The following IQGAP2 variants were observed in gnomAD, a reference collection of about 807,000 sequenced individuals.
IQGAP2 encodes IQ motif containing GTPase activating protein 2.
Under a neutral mutation model 201.3 loss-of-function variants are expected in IQGAP2, and 173 were observed. The ratio of observed to expected loss-of-function variants is 0.86; its 90% CI spans 0.76 to 0.98. IQGAP2 has a LOEUF of 0.98. Among genes scored for constraint, IQGAP2 ranks in the 50% least tolerant of loss-of-function variants. The probability of loss-of-function intolerance (pLI) is 0.00; values close to 1 mark genes in which losing one functional copy is unlikely to be tolerated. For synonymous variants in IQGAP2, 675 were observed against 673.9 expected (o/e 1.00, Z -0.03); for missense variants, 1,687 against 1,864.8 (o/e 0.90, Z 1.76).
chr5:76,503,541 C>T (rs1757413897), intron 2 of IQGAP2, among the ~76,000 whole-genome samples: 1 of 151,632 alleles, frequency 6.6e-6, no homozygotes, highest in Admixed American at 6.6e-5. Context: ...TCATACCTTC[C>T]TGTGTTTGTG....
intron 5 of IQGAP2, among the ~76,000 whole-genome samples, chr5:76,581,360 G>A (rs934191789): frequency 2.0e-5 from 3 of 152,180 alleles, no homozygotes; most frequent in Non-Finnish European, 4.4e-5. Context: ...GATTTCCAAA[G>A]ACAGTTTCTT....
intron 2 of IQGAP2, among the ~76,000 whole-genome samples, chr5:76,476,127 G>C (rs1198235589): frequency 1.3e-5 from 2 of 152,182 alleles, no homozygotes; most frequent in African/African-American, 4.8e-5. Flanking sequence ...AGTATTTCCA[G>C]GTAGTGATAA....
Position 76,673,363 on chromosome 5 carries a change from C to T in IQGAP2, c.3069-86C>T, listed in dbSNP as rs1744519819. 1.2e-5 allele frequency: 17 copies of T among 1,421,282 alleles called. No individual in the cohort carries two copies. The South Asian group carries it at 1.9e-4, about 16-fold the overall frequency. The allele number at this position is 1,421,282 out of a possible 1,614,324, so 88.0% of individuals were successfully genotyped here. A position where few individuals can be genotyped will look rare whatever the true frequency, so the allele number is the denominator to read the frequency against. ...CAGTGGCAAAGTCCAATTCACTATACAAAGCTTGACTATAGAACCAACTTG... is the reference window on the plus strand; with the variant it reads ...CAGTGGCAAAGTCCAATTCACTATATAAAGCTTGACTATAGAACCAACTTG... On this transcript the variant is annotated intron_variant, in intron 24 of 35. Coordinates refer to ENST00000274364, the MANE Select transcript of IQGAP2 (RefSeq NM_006633.5).
intron 12 of IQGAP2, among the ~76,000 whole-genome samples, chr5:76,608,466 A>C (rs961797626): frequency 2.6e-5 from 4 of 152,192 alleles, no homozygotes; most frequent in Admixed American, 6.5e-5. Flanking sequence ...TAAAATTTCT[A>C]AAATACACCA....
chr5:76,560,329 T>C (rs1257018031), intron 2 of IQGAP2, among the ~76,000 whole-genome samples: 1 of 151,388 alleles, frequency 6.6e-6, no homozygotes, highest in Non-Finnish European at 1.5e-5. Flanking sequence ...TTTTTTTTTT[T>C]TTTTTTTTAA....
intron 9 of IQGAP2, among the ~76,000 whole-genome samples, chr5:76,594,916 A>C (rs374961900): frequency 7.8e-4 from 119 of 152,042 alleles, no homozygotes; most frequent in Middle Eastern, 3.4e-3. Flanking sequence ...CAGTGAGCTG[A>C]GATTGCGCCA....
At chr5:76,623,400 A>G (rs945364998) in intron 13 of IQGAP2, 1 of 669,672 alleles carries the variant, frequency 1.5e-6, no homozygotes. Flanking sequence ...CTCCGCAGGG[A>G]AAGGATGTAA....
chr5:76,641,360 T>C (rs1235794149), intron 17 of IQGAP2, among the ~76,000 whole-genome samples: 1 of 152,186 alleles, frequency 6.6e-6, no homozygotes, highest in African/African-American at 2.4e-5. Flanking sequence ...GCTGCCAACC[T>C]AGTTGGACCC....
chr5:76,609,042 A>C, intron 12 of IQGAP2: 1 of 1,503,260 alleles, frequency 6.7e-7, no homozygotes, highest in East Asian at 2.5e-5. Context: ...ATATGTTCCC[A>C]GAGGGCTTCT....
At chr5:76,557,846 G>A (rs756645168) in intron 2 of IQGAP2, among the ~76,000 whole-genome samples, 10 of 151,640 alleles carry the variant, frequency 6.6e-5, no homozygotes, top group Non-Finnish European at 1.3e-4. Context: ...TCACTCTGTC[G>A]CCCAGGCTGG....
At chr5:76,408,638 G>A (rs377298824) in intron 1 of IQGAP2, among the ~76,000 whole-genome samples, 3 of 152,084 alleles carry the variant, frequency 2.0e-5, no homozygotes, top group Admixed American at 2.0e-4. Context: ...GTATACACCT[G>A]TAGTTACAGC....
intron 5 of IQGAP2, among the ~76,000 whole-genome samples, chr5:76,576,262 A>T (rs567905884): frequency 5.3e-4 from 80 of 152,340 alleles, no homozygotes; most frequent in African/African-American, 1.9e-3. Flanking sequence ...TTGTACCCTA[A>T]GGATAAAGAA....
chr5:76,560,686 A>G lies in IQGAP2; in HGVS notation c.147-1710A>G, dbSNP rs1184601254. ...TATATCCTACCATGTAGCATTGCAC[A>G]TCATAGCCTCTCATATGGTTCTCTG... On this transcript the variant is annotated intron_variant, in intron 2 of 35. Transcript: ENST00000274364. 3.3e-5 allele frequency among the ~76,000 whole-genome samples: 5 copies of G among 152,316 alleles called. No individual in the cohort carries two copies. The East Asian group carries it at 7.7e-4, about 24-fold the overall frequency.
At chr5:76,404,102 C>G (rs531791369) in intron 1 of IQGAP2, among the ~76,000 whole-genome samples, 1 of 152,292 alleles carries the variant, frequency 6.6e-6, no homozygotes, top group African/African-American at 2.4e-5. Context: ...TGTCCCGCGC[C>G]CTCGAACTTC....
At chr5:76,577,359 A>C (rs1388236161) in intron 5 of IQGAP2, among the ~76,000 whole-genome samples, 1 of 152,186 alleles carries the variant, frequency 6.6e-6, no homozygotes, top group Non-Finnish European at 1.5e-5. Context: ...TTTGTTTATT[A>C]TTACCAATTG....
chr5:76,598,008 C>G (rs1336757550), intron 10 of IQGAP2, among the ~76,000 whole-genome samples: 1 of 152,138 alleles, frequency 6.6e-6, no homozygotes, highest in Admixed American at 6.5e-5. Flanking sequence ...AGCACCATGG[C>G]TTTGATTTTT....
chr5:76,460,780 A>G lies in IQGAP2; in HGVS notation c.47-790A>G, dbSNP rs540229089. On this transcript the variant is annotated intron_variant, in intron 1 of 35. Coordinates refer to ENST00000274364, the MANE Select transcript of IQGAP2 (RefSeq NM_006633.5). Reference sequence around the variant, plus strand: ...TCCATGTTCAAGGAATGGAGCCACAATGGAAAATTGGGAGTGGTAGGAAGG... The same window carrying G: ...TCCATGTTCAAGGAATGGAGCCACAGTGGAAAATTGGGAGTGGTAGGAAGG... 1.9e-4 allele frequency among the ~76,000 whole-genome samples: 29 copies of G among 151,924 alleles called. 1 individual carries two copies. Among genetic ancestry groups the G allele is most frequent in the Admixed American group, 8.5e-4 (13 of 15,272 alleles).
chr5:76,703,507 G>A (rs10063689), intron 35 of IQGAP2, among the ~76,000 whole-genome samples: 1 of 151,864 alleles, frequency 6.6e-6, no homozygotes, highest in African/African-American at 2.4e-5. Flanking sequence ...AAATGCTTGG[G>A]ATCACAGGAA....
intron 27 of IQGAP2, 165 bp from the exon 28 acceptor site, chr5:76,677,053 G>C: frequency 8.2e-6 from 5 of 610,700 alleles, no homozygotes; most frequent in Non-Finnish European, 1.4e-5. Context: ...CATGGATGCA[G>C]CTCCGACAGC....
Sources: gnomAD v4.1 joint callset for allele counts (sites outside exome capture counted in the v4.1 genomes callset) on GRCh38, gnomAD v4.1.1 for gene constraint, MANE v1.5 for transcripts, NCBI Gene and HGNC (gene_info 2026-07-23, HGNC 2026-07-21) for gene names.